Variants in TEX264 observed in about 807,000 individuals in gnomAD.
TEX264 encodes testis-expressed protein 264.
A neutral mutation model predicts 23.4 loss-of-function variants in TEX264; 13 were observed. The observed-to-expected ratio is 0.56, with a 90% CI of 0.36 to 0.88. The LOEUF (loss-of-function observed/expected upper bound fraction) is 0.88. Among genes scored for constraint, TEX264 ranks in the 40% least tolerant of loss-of-function variants. The pLI is 0.01. For missense variants in TEX264, 340 were observed against 406.8 expected, an observed-to-expected ratio of 0.84 and a Z score of 1.41; for synonymous variants, 159 against 170.0, an observed-to-expected ratio of 0.94 and a Z score of 0.50.
intron 2 of TEX264, among the ~76,000 whole-genome samples, chr3:51,678,880 A>T (rs1448625011): frequency 6.6e-6 from 1 of 152,170 alleles, no homozygotes; most frequent in Admixed American, 6.5e-5. Context: ...ATTTCCCAGG[A>T]CTGACCTCCT....
At chr3:51,673,332 G>A (rs750426137) in intron 1 of TEX264, among the ~76,000 whole-genome samples, 15 of 152,160 alleles carry the variant, frequency 9.9e-5, no homozygotes, top group Non-Finnish European at 1.8e-4. Flanking sequence ...GTGTAAGAGG[G>A]TTAGGCCTCT....
intron 3 of TEX264, among the ~76,000 whole-genome samples, chr3:51,697,693 G>A (rs1395633422): frequency 4.6e-5 from 7 of 152,236 alleles, no homozygotes; most frequent in African/African-American, 7.2e-5. Flanking sequence ...GCCTCTAAGT[G>A]CTGGCATTGG....
At chr3:51,697,253 G>A (rs1703098689) in intron 3 of TEX264, among the ~76,000 whole-genome samples, 1 of 152,252 alleles carries the variant, frequency 6.6e-6, no homozygotes, top group African/African-American at 2.4e-5. Flanking sequence ...AGGTGGCACA[G>A]GGTGGCAGCC....
At chr3:51,678,386 T>C (rs1015891718) in intron 2 of TEX264, among the ~76,000 whole-genome samples, 1 of 152,208 alleles carries the variant, frequency 6.6e-6, no homozygotes, top group African/African-American at 2.4e-5. Flanking sequence ...GCTGGCTCTC[T>C]ACCTCCTGCC....
In TEX264 at chr3:51,703,994, C is replaced by T; in HGVS notation, c.920C>T (p.Ala307Val). The change falls in exon 5 of 5, where the codon GCC becomes GTC. Residue 307 changes from alanine (A) to valine (V), a missense_variant. Transcript: ENST00000341333. The surrounding 1 kb of genome is among the most constrained non-coding windows in gnomAD (Gnocchi z 4.8). The part of the protein sequence containing the change: ...GTTKWLWEPT[A>V]PEKGKE Reference sequence around the variant, plus strand: ...ACCAAGTGGCTCTGGGAGCCCACTGCCCCTGAGAAGGGCAAGGAGTAACCC... The same window carrying T: ...ACCAAGTGGCTCTGGGAGCCCACTGTCCCTGAGAAGGGCAAGGAGTAACCC... 1 of 1,539,572 alleles carries T rather than the reference C, an allele frequency of 6.5e-7. No homozygotes were observed. The highest frequency in any genetic ancestry group is 8.8e-7 in the Non-Finnish European group (1 of 1,141,134).
Position 51,674,568 on chromosome 3 carries a change from G to T in TEX264, c.258+6G>T. 1 of 1,613,670 alleles carries T rather than the reference G, an allele frequency of 6.2e-7. No individual in the cohort carries two copies. On this transcript the variant is annotated splice_donor_region_variant and intron_variant, in intron 2 of 4. Coordinates refer to ENST00000341333, the MANE Select transcript of TEX264 (RefSeq NM_015926.6). ...ACTATGACAACCCCCACATGGTAAG[G>T]AGTCTCCATGGGGTTCTGCCCCATG...
intron 4 of TEX264, among the ~76,000 whole-genome samples, chr3:51,701,424 A>G (rs1340520022): frequency 6.6e-6 from 1 of 151,032 alleles, no homozygotes; most frequent in Admixed American, 6.6e-5. Context: ...TCCCAGGCTT[A>G]AGCTGTCCTC....
At chr3:51,696,895 T>G (rs1487919042) in intron 3 of TEX264, among the ~76,000 whole-genome samples, 2 of 152,170 alleles carry the variant, frequency 1.3e-5, no homozygotes, top group Non-Finnish European at 2.9e-5. Context: ...TAACAGCAGG[T>G]AGGACCAGGC....
intron 2 of TEX264, chr3:51,684,033 G>A (rs1229100863): frequency 7.6e-6 from 2 of 261,988 alleles, no homozygotes; most frequent in Non-Finnish European, 1.5e-5. Flanking sequence ...CTGACAGAGG[G>A]TCTTATGGTG....
chr3:51,685,834 C>T (rs925358030), intron 3 of TEX264, among the ~76,000 whole-genome samples: 2 of 152,154 alleles, frequency 1.3e-5, no homozygotes, highest in Non-Finnish European at 2.9e-5. Context: ...GCAGGCCCAG[C>T]GGCTATAGAG....
chr3:51,703,619 G>A lies in TEX264; in HGVS notation c.650-105G>A, dbSNP rs919993806. 8 of 1,172,090 alleles carry A rather than the reference G, an allele frequency of 6.8e-6. No homozygotes were observed. The highest frequency in any genetic ancestry group is 3.1e-5 in the African/African-American group (2 of 64,846). The allele number at this position is 1,172,090 out of a possible 1,614,324, so 72.6% of individuals were successfully genotyped here. A position where few individuals can be genotyped will look rare whatever the true frequency, so the allele number is the denominator to read the frequency against. On this transcript the variant is annotated intron_variant, in intron 4 of 4. Coordinates refer to ENST00000341333, the MANE Select transcript of TEX264 (RefSeq NM_015926.6). The surrounding 1 kb of genome is among the most constrained non-coding windows in gnomAD (Gnocchi z 4.8). ...CAGCTGGAGCAAGCCCCCTGAGCCC[G>A]GGAGGCTGCATTATTCATGAGTGCA... is the stretch of plus-strand genomic sequence containing the variant.
rs1703394637 is a variant in TEX264 at position 51,703,501 on chromosome 3, T to TCTCCCTCCCTCCCTCCTTCC, written c.650-212_650-193dup. Among the ~76,000 whole-genome samples the TCTCCCTCCCTCCCTCCTTCC allele has an allele frequency of 6.7e-6, 1 of 149,266 alleles. No individual in the cohort carries two copies. The highest frequency in any genetic ancestry group is 1.5e-5 in the Non-Finnish European group (1 of 67,460). On this transcript the variant is annotated intron_variant, in intron 4 of 4. Coordinates refer to ENST00000341333, the MANE Select transcript of TEX264 (RefSeq NM_015926.6). This position sits in a 1 kb window ranked among gnomAD's most constrained non-coding sequence, Gnocchi z 4.8. Reference sequence around the variant, plus strand: ...TGCACAGCTGCCTCCTCCCACCCTCTCTCCCTCCCTCCCTCCTTCCCTCCC... The same window carrying TCTCCCTCCCTCCCTCCTTCC: ...TGCACAGCTGCCTCCTCCCACCCTCTCTCCCTCCCTCCCTCCTTCCCTCCCTCCCTCCCTCCTTCCCTCCC...
intron 1 of TEX264, among the ~76,000 whole-genome samples, chr3:51,673,120 A>C (rs2106889652): frequency 6.6e-6 from 1 of 152,348 alleles, no homozygotes; most frequent in Non-Finnish European, 1.5e-5. Flanking sequence ...ACAGGGAAGA[A>C]ATAATTCCAC....
intron 2 of TEX264, among the ~76,000 whole-genome samples, chr3:51,674,937 T>C (rs1702181685): frequency 6.6e-6 from 1 of 152,244 alleles, no homozygotes; most frequent in South Asian, 2.1e-4. Context: ...CCATTCAGAT[T>C]CTGCCCACTC....
chr3:51,695,842 G>A (rs1160990899), intron 3 of TEX264, among the ~76,000 whole-genome samples: 2 of 152,210 alleles, frequency 1.3e-5, no homozygotes, highest in African/African-American at 4.8e-5. Context: ...TTGGTGCAGG[G>A]TGGGGTGGTG....
intron 2 of TEX264, 65 bp downstream of exon 2, chr3:51,674,627 G>T: frequency 6.4e-7 from 1 of 1,573,296 alleles, no homozygotes; most frequent in Non-Finnish European, 8.6e-7. Flanking sequence ...TCTTTGGGGA[G>T]GGTAGTTTTG....
At chr3:51,687,227 G>C (rs1577510915) in intron 3 of TEX264, among the ~76,000 whole-genome samples, 1 of 152,368 alleles carries the variant, frequency 6.6e-6, no homozygotes, top group African/African-American at 2.4e-5. Context: ...AGGCATGGCC[G>C]AAGGTCCTGG....
intron 2 of TEX264, among the ~76,000 whole-genome samples, chr3:51,676,142 G>A (rs1010513705): frequency 2.0e-5 from 3 of 152,184 alleles, no homozygotes; most frequent in Admixed American, 1.3e-4. Context: ...TAGAGCAGAT[G>A]TGTGACCCTC....
At chr3:51,673,288 TC>T (rs943240334) in intron 1 of TEX264, among the ~76,000 whole-genome samples, 4 of 151,904 alleles carry the variant, frequency 2.6e-5, no homozygotes, top group Admixed American at 6.6e-5. Context: ...CTGTGATTTT[TC>T]CCCCCCGCCA....
Sources: allele counts gnomAD v4.1 joint callset (sites outside exome capture counted in the v4.1 genomes callset), GRCh38; gene constraint gnomAD v4.1.1; non-coding constraint Gnocchi (gnomAD v3.1); transcripts MANE v1.5; gene names NCBI Gene and HGNC (gene_info 2026-07-23, HGNC 2026-07-21).